The following EHD4 variants were observed in gnomAD, a reference collection of about 807,000 sequenced individuals.
The protein encoded by EHD4 is EH domain-containing protein 4.
In EHD4, 37 loss-of-function variants were observed where a neutral mutation model predicts 51.0. The observed-to-expected ratio is 0.73, with a 90% confidence interval of 0.56 to 0.95. The LOEUF is 0.95. Among genes scored for constraint, EHD4 ranks in the 40% least tolerant of loss-of-function variants. EHD4 has a pLI of 0.00. For synonymous variants in EHD4, 297 were observed against 317.3 expected (o/e 0.94, Z 0.68); for missense variants, 632 against 733.1 (o/e 0.86, Z 1.59).
At chr15:41,956,597 G>A (rs1207516486) in intron 1 of EHD4, among the ~76,000 whole-genome samples, 1 of 152,132 alleles carries the variant, frequency 6.6e-6, no homozygotes, top group East Asian at 1.9e-4. Context: ...TATTGCAATC[G>A]AAGCCAGAGT....
At chr15:41,939,211 A>G (rs1566823268) in intron 3 of EHD4, among the ~76,000 whole-genome samples, 2 of 152,234 alleles carry the variant, frequency 1.3e-5, no homozygotes, top group Non-Finnish European at 2.9e-5. Context: ...TTCATTGGCT[A>G]CTAAAATACA....
Position 41,903,695 on chromosome 15 carries a change from C to G in EHD4, c.1090-2514G>C, listed in dbSNP as rs118034017. Among the ~76,000 whole-genome samples, 107 of 152,192 alleles carry G rather than the reference C, an allele frequency of 7.0e-4. 2 individuals carry two copies. In the East Asian group the frequency reaches 0.02, roughly 28 times the overall value. ...AATCATGGTCTCTAGGGTGGCAGGG[C>G]AGGAATTCTGGGCTGACATTTGGAA... On this transcript the variant is annotated intron_variant, in intron 5 of 5. Coordinates refer to ENST00000220325, the MANE Select transcript of EHD4 (RefSeq NM_139265.4).
chr15:41,954,873 C>T (rs915857877), intron 1 of EHD4, among the ~76,000 whole-genome samples: 1 of 152,192 alleles, frequency 6.6e-6, no homozygotes, highest in African/African-American at 2.4e-5. Flanking sequence ...CAAGCTATCC[C>T]CTCACCTTGG....
chr15:41,932,626 T>C (rs6493013), intron 3 of EHD4, among the ~76,000 whole-genome samples: 69,064 of 151,956 alleles, frequency 0.45, 16,742 homozygotes, highest in East Asian at 0.62. Flanking sequence ...AAGAGGATTA[T>C]GGCAAAAAGA....
At chr15:41,946,186 G>A (rs1016486628) in intron 2 of EHD4, among the ~76,000 whole-genome samples, 1 of 152,162 alleles carries the variant, frequency 6.6e-6, no homozygotes, top group African/African-American at 2.4e-5. Context: ...TACATTTCAC[G>A]TAAAATATGC....
In EHD4 at chr15:41,897,900, T is replaced by C. The variant is rs1057445730; in HGVS notation, c.*2745A>G. 5 of 152,232 alleles carry C rather than the reference T, an allele frequency of 3.3e-5. No homozygotes were observed. The highest frequency in any genetic ancestry group is 1.2e-4 in the African/African-American group (5 of 41,432). 9.4% of individuals were successfully genotyped at this position (152,232 alleles called of 1,614,324 possible). ...AGAGGTTCTTTGAAAATTGGGGTGG[T>C]GCAGGAAGGGCAACGGTGATGGTGA... On this transcript the variant is annotated 3_prime_UTR_variant, in exon 6 of 6. Transcript: ENST00000220325.
chr15:41,907,515 T>G (rs1386307978), intron 5 of EHD4, among the ~76,000 whole-genome samples: 1 of 152,192 alleles, frequency 6.6e-6, no homozygotes, highest in South Asian at 2.1e-4. Flanking sequence ...TTCTCTGTTG[T>G]GTGTGCGTGT....
chr15:41,911,927 A>G (rs1158901122), intron 4 of EHD4, among the ~76,000 whole-genome samples: 2 of 150,450 alleles, frequency 1.3e-5, no homozygotes, highest in Non-Finnish European at 3.0e-5. Context: ...CTCCTCACCC[A>G]CTCCCTGCCG....
In EHD4 at chr15:41,918,565, T is replaced by C. The variant is rs560898401; in HGVS notation, c.924+645A>G. Among the ~76,000 whole-genome samples, 78 of 152,326 alleles carry C rather than the reference T, an allele frequency of 5.1e-4. 4 individuals carry two copies. The South Asian group carries it at 0.015, about 30-fold the overall frequency. On this transcript the variant is annotated intron_variant, in intron 4 of 5. Transcript: ENST00000220325. Reference sequence around the variant, plus strand: ...CAGCAGGTCACCTCTCACTGCCCCATTGGGCACACACTCCTGGGGCTGCTG... The same window carrying C: ...CAGCAGGTCACCTCTCACTGCCCCACTGGGCACACACTCCTGGGGCTGCTG...
At chr15:41,925,959 C>T (rs1474903421) in intron 3 of EHD4, 1 of 152,140 alleles carries the variant, frequency 6.6e-6, no homozygotes, top group Non-Finnish European at 1.5e-5. Flanking sequence ...GCACGGGGGT[C>T]CCTGAGGAAG....
In EHD4 at chr15:41,898,740, G is replaced by C. The variant is rs2067456086; in HGVS notation, c.*1905C>G. 1 of 152,202 alleles carries C rather than the reference G, an allele frequency of 6.6e-6. No individual in the cohort carries two copies. The highest frequency in any genetic ancestry group is 1.5e-5 in the Non-Finnish European group (1 of 68,034). The allele number at this position is 152,202 out of a possible 1,614,324, so 9.4% of individuals were successfully genotyped here. A position where few individuals can be genotyped will look rare whatever the true frequency, so the allele number is the denominator to read the frequency against. On this transcript the variant is annotated 3_prime_UTR_variant, in exon 6 of 6. Coordinates refer to ENST00000220325, the MANE Select transcript of EHD4 (RefSeq NM_139265.4). ...TAGTCCCAGCTACTTGGGAGGCTGA[G>C]GCAGGGGAATCACTTGAACCTGGGA...
In EHD4 at chr15:41,955,594, C is replaced by T. The variant is rs79930459; in HGVS notation, c.237-1654G>A. On this transcript the variant is annotated intron_variant, in intron 1 of 5. Coordinates refer to ENST00000220325, the MANE Select transcript of EHD4 (RefSeq NM_139265.4). ...GTAAAGCTGGGCTCAGGAGGTGCTACCGTTTCAAAATGTGTTCAGCTTTAA... is the reference window on the plus strand; with the variant it reads ...GTAAAGCTGGGCTCAGGAGGTGCTATCGTTTCAAAATGTGTTCAGCTTTAA... Among the ~76,000 whole-genome samples the T allele has an allele frequency of 4.0e-3, 609 of 152,270 alleles. 28 individuals are homozygous for T. In the East Asian group the frequency reaches 0.1, roughly 25 times the overall value.
chr15:41,911,662 C>T (rs2067550418), intron 4 of EHD4, among the ~76,000 whole-genome samples: 1 of 152,286 alleles, frequency 6.6e-6, no homozygotes, highest in East Asian at 1.9e-4. Flanking sequence ...ATGTATACCT[C>T]TCTCTTCTGT....
At chr15:41,917,370 C>T (rs934323212) in intron 4 of EHD4, among the ~76,000 whole-genome samples, 2 of 152,182 alleles carry the variant, frequency 1.3e-5, no homozygotes, top group Non-Finnish European at 2.9e-5. Flanking sequence ...CCACCCGCCT[C>T]CGACTCCCAA....
intron 4 of EHD4, 108 bp downstream of exon 4, chr15:41,919,102 A>G (rs976071401): frequency 5.5e-5 from 79 of 1,443,374 alleles, no homozygotes; most frequent in Admixed American, 7.1e-5. Context: ...GCGCATGTTC[A>G]TTCCTTAAGC....
At chr15:41,961,591 C>A (rs1384347019) in intron 1 of EHD4, among the ~76,000 whole-genome samples, 1 of 152,144 alleles carries the variant, frequency 6.6e-6, no homozygotes, top group Non-Finnish European at 1.5e-5. Context: ...TTCCACAGAA[C>A]ATAGGTTAAA....
At chr15:41,916,135 T>G (rs2067582273) in intron 4 of EHD4, among the ~76,000 whole-genome samples, 1 of 152,244 alleles carries the variant, frequency 6.6e-6, no homozygotes, top group Non-Finnish European at 1.5e-5. Context: ...TCTGAAAACT[T>G]ACCCTTTGCA....
At chr15:41,948,924 A>C (rs998514944) in intron 2 of EHD4, among the ~76,000 whole-genome samples, 1 of 150,398 alleles carries the variant, frequency 6.6e-6, no homozygotes, top group African/African-American at 2.4e-5. Context: ...AGCAATCGGG[A>C]AGCTGAGGTG....
intron 1 of EHD4, among the ~76,000 whole-genome samples, chr15:41,958,638 TCAACG>T (rs2067903749): frequency 2.0e-5 from 3 of 152,166 alleles, no homozygotes; most frequent in African/African-American, 7.2e-5. Flanking sequence ...CACCATCTTC[TCAACG>T]ATGAGCTTAA....
Sources: allele counts gnomAD v4.1 joint callset (sites outside exome capture counted in the v4.1 genomes callset), GRCh38; gene constraint gnomAD v4.1.1; transcripts MANE v1.5; gene names NCBI Gene and HGNC (gene_info 2026-07-23, HGNC 2026-07-21).